ELMO1: variants seen among roughly 807,000 people sequenced by gnomAD.
The protein encoded by ELMO1 is engulfment and cell motility protein 1.
A neutral mutation model predicts 98.9 loss-of-function variants in ELMO1; 26 were observed. That is an observed-to-expected ratio of 0.26 (90% CI 0.19 to 0.36). The LOEUF (loss-of-function observed/expected upper bound fraction) is 0.36. Among genes scored for constraint, ELMO1 ranks in the 10% least tolerant of loss-of-function variants. The probability of loss-of-function intolerance (pLI) is 1.00; values close to 1 mark genes in which losing one functional copy is unlikely to be tolerated. For missense variants in ELMO1, 627 were observed against 935.2 expected (o/e 0.67, Z 4.30); for synonymous variants, 346 against 346.0 (o/e 1.00, Z 0.00).
chr7:37,217,740 T>TTGCTCTCTA (rs1563083747), intron 10 of ELMO1: 1 of 457,036 alleles, frequency 2.2e-6, no homozygotes, highest in East Asian at 7.0e-5. Flanking sequence ...GATGTCAACA[T>TTGCTCTCTA]TGCTCTCTAC....
chr7:37,259,816 T>A (rs1795886802), intron 5 of ELMO1, among the ~76,000 whole-genome samples: 1 of 152,202 alleles, frequency 6.6e-6, no homozygotes. Context: ...CCTACACATG[T>A]TCGGGAGCTT....
At chr7:36,978,522 G>A (rs192968582) in intron 16 of ELMO1, among the ~76,000 whole-genome samples, 4 of 152,184 alleles carry the variant, frequency 2.6e-5, no homozygotes, top group African/African-American at 9.6e-5. Context: ...AAATGTACAT[G>A]TTTCTCAAAG....
rs533104138 is a variant in ELMO1, at chr7:37,126,451, C to T, written c.1191+6679G>A. On this transcript the variant is annotated intron_variant, in intron 14 of 21. Coordinates refer to ENST00000310758, the MANE Select transcript of ELMO1 (RefSeq NM_014800.11). ...AGAATACTTCTCTAAGAAGCAGTGC[C>T]GTTGTTTAAAATTAGGTCACTGGGA... Among the ~76,000 whole-genome samples the T allele has an allele frequency of 4.0e-5, 6 of 151,796 alleles. No individual in the cohort carries two copies. The East Asian group carries it at 9.7e-4, about 24-fold the overall frequency.
chr7:36,922,830 T>C (rs1785253626), intron 16 of ELMO1, among the ~76,000 whole-genome samples: 2 of 152,196 alleles, frequency 1.3e-5, no homozygotes, highest in African/African-American at 2.4e-5. Flanking sequence ...TGGCTGAGTG[T>C]TAGCCTAAAA....
intron 4 of ELMO1, among the ~76,000 whole-genome samples, chr7:37,272,763 C>T (rs1268252519): frequency 6.6e-6 from 1 of 151,722 alleles, no homozygotes; most frequent in Non-Finnish European, 1.5e-5. Flanking sequence ...GTGAAAGATG[C>T]CAGACACAAA....
At chr7:37,332,495 C>T (rs574197742) in intron 2 of ELMO1, among the ~76,000 whole-genome samples, 15 of 152,186 alleles carry the variant, frequency 9.9e-5, no homozygotes, top group Non-Finnish European at 1.9e-4. Flanking sequence ...CACCCTCATC[C>T]GGTCTGAAGA....
intron 16 of ELMO1, among the ~76,000 whole-genome samples, chr7:36,944,164 C>A (rs1787282931): frequency 6.6e-6 from 1 of 152,102 alleles, no homozygotes; most frequent in Non-Finnish European, 1.5e-5. Flanking sequence ...CTATTTTAAA[C>A]ATAAGGACAT....
At position 37,176,861 on chromosome 7, in the gene ELMO1, T is replaced by G. The variant is rs141136293; in HGVS notation, c.1086+34525A>C. 2.2e-4 allele frequency among the ~76,000 whole-genome samples: 34 copies of G among 152,344 alleles called. No homozygotes were observed. In the East Asian group the frequency reaches 5.2e-3, roughly 23 times the overall value. ...AAAGAAGGGAAAAGGAAAACACAGT[T>G]ATAGCTTTTAGACGACTATATAATC... On this transcript the variant is annotated intron_variant, in intron 13 of 21. Coordinates refer to ENST00000310758, the MANE Select transcript of ELMO1 (RefSeq NM_014800.11).
intron 1 of ELMO1, among the ~76,000 whole-genome samples, chr7:37,382,352 G>C (rs1324926215): frequency 1.3e-5 from 2 of 152,280 alleles, no homozygotes; most frequent in East Asian, 3.9e-4. Flanking sequence ...TTTTATCACA[G>C]TAACTTTATC....
intron 1 of ELMO1, among the ~76,000 whole-genome samples, chr7:37,390,630 T>C (rs920840336): frequency 4.6e-5 from 7 of 152,180 alleles, no homozygotes; most frequent in African/African-American, 1.7e-4. Flanking sequence ...TCACAGTCCC[T>C]GACCCAGTAA....
chr7:37,426,948 C>A (rs1342192925), intron 1 of ELMO1, among the ~76,000 whole-genome samples: 1 of 151,988 alleles, frequency 6.6e-6, no homozygotes, highest in Non-Finnish European at 1.5e-5. Context: ...CAATGCCATA[C>A]ACCGAGAAAC....
At chr7:37,244,424 A>G (rs1347430629) in intron 6 of ELMO1, 33 bp from the exon 7 acceptor site, 1 of 1,608,060 alleles carries the variant, frequency 6.2e-7, no homozygotes, top group Non-Finnish European at 8.5e-7. Flanking sequence ...TGTGAGGAGC[A>G]TACTTAAAAG....
At chr7:37,364,664 C>A (rs1293182336) in intron 1 of ELMO1, among the ~76,000 whole-genome samples, 1 of 151,100 alleles carries the variant, frequency 6.6e-6, no homozygotes, top group Non-Finnish European at 1.5e-5. Context: ...TTCTTCTTCT[C>A]ATTTCACCAT....
intron 20 of ELMO1, among the ~76,000 whole-genome samples, chr7:36,868,992 A>G (rs2129039116): frequency 6.6e-6 from 1 of 152,292 alleles, no homozygotes; most frequent in Admixed American, 6.5e-5. Context: ...AATCCCGGCT[A>G]GTGTTGAAGA....
chr7:36,886,184 C>T (rs1181058446), intron 18 of ELMO1, among the ~76,000 whole-genome samples: 5 of 152,330 alleles, frequency 3.3e-5, no homozygotes, highest in East Asian at 1.9e-4. Flanking sequence ...TTCCACTGGT[C>T]TCACTAATAG....
chr7:37,383,637 T>A (rs1320169180), intron 1 of ELMO1, among the ~76,000 whole-genome samples: 1 of 152,256 alleles, frequency 6.6e-6, no homozygotes, highest in African/African-American at 2.4e-5. Flanking sequence ...TGGGGATTCA[T>A]CTTTAAGTTC....
chr7:37,309,165 G>C (rs1387896707), intron 4 of ELMO1, among the ~76,000 whole-genome samples: 1 of 152,170 alleles, frequency 6.6e-6, no homozygotes, highest in Non-Finnish European at 1.5e-5. Flanking sequence ...CCATGTGGCT[G>C]GGGAGGCCTC....
Position 37,440,600 on chromosome 7 carries a change from C to T in ELMO1, c.-74+8075G>A, listed in dbSNP as rs139489239. Among the ~76,000 whole-genome samples the T allele has an allele frequency of 5.7e-3, 869 of 151,964 alleles. 24 individuals carry two copies. The East Asian group carries it at 0.085, about 15-fold the overall frequency. On this transcript the variant is annotated intron_variant, in intron 1 of 21. Coordinates refer to ENST00000310758, the MANE Select transcript of ELMO1 (RefSeq NM_014800.11). ...CCTGACCAACATGGTGAAACCCCAT[C>T]TCTAATAAAAATACAAAAATTAGCC... is the stretch of plus-strand genomic sequence containing the variant.
intron 4 of ELMO1, among the ~76,000 whole-genome samples, chr7:37,293,170 G>T (rs1411818465): frequency 3.8e-4 from 37 of 97,328 alleles, no homozygotes; most frequent in South Asian, 7.8e-4. Context: ...CGCGCCTACT[G>T]GGAAGTGAGG....
Sources: gnomAD v4.1 joint callset for allele counts (sites outside exome capture counted in the v4.1 genomes callset) on GRCh38, gnomAD v4.1.1 for gene constraint, MANE v1.5 for transcripts, NCBI Gene and HGNC (gene_info 2026-07-23, HGNC 2026-07-21) for gene names.